Variants in MAGI2 observed in about 807,000 individuals in gnomAD.
MAGI2 encodes membrane associated guanylate kinase, WW and PDZ domain containing 2, also known as membrane-associated guanylate kinase, WW and PDZ domain-containing protein 2.
In MAGI2, 35 loss-of-function variants were observed where a neutral mutation model predicts 133.3. The ratio of observed to expected loss-of-function variants is 0.26; its 90% CI spans 0.20 to 0.35. MAGI2 has a LOEUF of 0.35. Ranked by LOEUF, MAGI2 falls within the 10% of genes least tolerant of loss-of-function variation. The pLI, the probability that MAGI2 is intolerant of heterozygous loss-of-function variation, is 1.00. For missense variants in MAGI2, 1,636 were observed against 1,863.4 expected (o/e 0.88, Z 2.25); for synonymous variants, 729 against 710.6 (o/e 1.03, Z -0.41).
chr7:78,943,321 CA>C (rs1314778049), intron 2 of MAGI2, among the ~76,000 whole-genome samples: 1 of 152,026 alleles, frequency 6.6e-6, no homozygotes, highest in African/African-American at 2.4e-5. Flanking sequence ...GAGGCTTTGG[CA>C]AAAAGCTTTA....
chr7:78,969,218 G>A (rs377542001), intron 2 of MAGI2, among the ~76,000 whole-genome samples: 6 of 150,992 alleles, frequency 4.0e-5, no homozygotes, highest in East Asian at 3.9e-4. Context: ...TAGGGTAGGA[G>A]GGCCAGTCTT....
chr7:78,190,816 T>C (rs1294476544), intron 12 of MAGI2, among the ~76,000 whole-genome samples: 1 of 152,230 alleles, frequency 6.6e-6, no homozygotes, highest in Non-Finnish European at 1.5e-5. Flanking sequence ...CTGTTGTGAC[T>C]GTAAAACAAA....
intron 1 of MAGI2, among the ~76,000 whole-genome samples, chr7:79,451,272 C>T (rs182078885): frequency 6.6e-6 from 1 of 152,276 alleles, no homozygotes; most frequent in East Asian, 1.9e-4. Flanking sequence ...TTTGCAGCCA[C>T]GTTCCATGAC....
chr7:78,089,710 A>T lies in MAGI2; in HGVS notation c.3568-10625T>A, dbSNP rs375110967. Among the ~76,000 whole-genome samples the T allele has an allele frequency of 2.0e-5, 3 of 152,162 alleles. No homozygotes were observed. In the South Asian group the frequency reaches 6.2e-4, roughly 32 times the overall value. On this transcript the variant is annotated intron_variant, in intron 20 of 21. Transcript: ENST00000354212. Reference sequence around the variant, plus strand: ...CTCTGGTCAGTTTCCAAGTCCCGTCAGTTCTACATGTACCCTGTCTCCAGC... The same window carrying T: ...CTCTGGTCAGTTTCCAAGTCCCGTCTGTTCTACATGTACCCTGTCTCCAGC...
intron 9 of MAGI2, among the ~76,000 whole-genome samples, chr7:78,280,637 T>G (rs1795470037): frequency 6.6e-6 from 1 of 152,108 alleles, no homozygotes; most frequent in Non-Finnish European, 1.5e-5. Context: ...GTTAGAAAGA[T>G]TAGACTGAGA....
intron 5 of MAGI2, 57 bp downstream of exon 5, chr7:78,501,520 C>A: frequency 1.3e-5 from 16 of 1,205,604 alleles, no homozygotes; most frequent in Non-Finnish European, 1.7e-5. Flanking sequence ...CTTGCTACAT[C>A]ATTTATATCC....
chr7:78,317,601 A>C (rs745524722), intron 9 of MAGI2, among the ~76,000 whole-genome samples: 3 of 152,252 alleles, frequency 2.0e-5, no homozygotes, highest in Non-Finnish European at 4.4e-5. Context: ...GGCTCTGAAG[A>C]GAGCAGCGGA....
chr7:78,501,777 T>C lies in MAGI2; in HGVS notation c.765A>G (p.Glu255=). Residue 255 remains glutamate, a synonymous_variant, in exon 5 of 22, where the codon GAA becomes GAG. Transcript: ENST00000354212. ...NGVVVTPESS[E]HEDKSAGASG... Reference sequence around the variant, plus strand: ...AGGCACCTGCACTTTTGTCTTCATGTTCACTGGATTCTATAAGAGAACAAG... The same window carrying C: ...AGGCACCTGCACTTTTGTCTTCATGCTCACTGGATTCTATAAGAGAACAAG... The C allele has an allele frequency of 6.2e-7, 1 of 1,613,398 alleles. No homozygotes were observed. Among genetic ancestry groups the C allele is most frequent in the Non-Finnish European group, 8.5e-7 (1 of 1,179,902 alleles).
chr7:78,328,136 T>C (rs1044089938), intron 9 of MAGI2, among the ~76,000 whole-genome samples: 1 of 152,152 alleles, frequency 6.6e-6, no homozygotes, highest in African/African-American at 2.4e-5. Context: ...AAATGTCTCC[T>C]TTTCTTAGAA....
chr7:78,627,032 A>G, intron 3 of MAGI2, 88 bp downstream of exon 3: 1 of 1,373,164 alleles, frequency 7.3e-7, no homozygotes. Flanking sequence ...AAAACAGCCC[A>G]TTAGTAACCT....
chr7:78,278,217 G>T (rs923993335), intron 9 of MAGI2, among the ~76,000 whole-genome samples: 8 of 152,112 alleles, frequency 5.3e-5, no homozygotes, highest in Non-Finnish European at 8.8e-5. Flanking sequence ...AGGTTTTTCA[G>T]TGTCTCTGCC....
At chr7:79,061,213 C>A (rs1211730982) in intron 1 of MAGI2, among the ~76,000 whole-genome samples, 1 of 151,844 alleles carries the variant, frequency 6.6e-6, no homozygotes, top group Non-Finnish European at 1.5e-5. Flanking sequence ...TGATACAGAA[C>A]TGAGAGCAAG....
chr7:79,005,707 T>C (rs968344124), intron 2 of MAGI2, among the ~76,000 whole-genome samples: 4 of 152,224 alleles, frequency 2.6e-5, no homozygotes, highest in African/African-American at 9.6e-5. Context: ...TTCACATTGC[T>C]GCACTGACAA....
At position 79,174,717 on chromosome 7, in the gene MAGI2, TA is replaced by T. The variant is rs968967850; in HGVS notation, c.302-167512del. On this transcript the variant is annotated intron_variant, in intron 1 of 21. Transcript: ENST00000354212. Reference sequence around the variant, plus strand: ...TTTTTTAAAAAAAGAAATAAATTATTAAAAAAACACTCATTCTCTAGGTAGA... The same window carrying T: ...TTTTTTAAAAAAAGAAATAAATTATTAAAAAACACTCATTCTCTAGGTAGA... Among the ~76,000 whole-genome samples the T allele has an allele frequency of 9.9e-5, 15 of 151,344 alleles. 1 individual carries two copies. The South Asian group carries it at 2.9e-3, about 29-fold the overall frequency.
At chr7:78,408,071 C>T (rs1251227755) in intron 6 of MAGI2, among the ~76,000 whole-genome samples, 2 of 152,112 alleles carry the variant, frequency 1.3e-5, no homozygotes, top group South Asian at 2.1e-4. Flanking sequence ...TTTGCAACTC[C>T]CTCCCTTCTA....
At chr7:79,092,610 C>G (rs985826192) in intron 1 of MAGI2, among the ~76,000 whole-genome samples, 1 of 152,136 alleles carries the variant, frequency 6.6e-6, no homozygotes, top group Non-Finnish European at 1.5e-5. Flanking sequence ...TCTAGGAAAT[C>G]TTTCAGAATT....
At chr7:78,908,078 A>G (rs1449442073) in intron 2 of MAGI2, among the ~76,000 whole-genome samples, 2 of 152,092 alleles carry the variant, frequency 1.3e-5, no homozygotes, top group African/African-American at 4.8e-5. Flanking sequence ...GTTAGGGGGG[A>G]AATGTGGTAT....
At chr7:78,766,085 G>A (rs192117381) in intron 2 of MAGI2, among the ~76,000 whole-genome samples, 3 of 152,278 alleles carry the variant, frequency 2.0e-5, no homozygotes, top group Admixed American at 2.0e-4. Context: ...GAGCTTTTGT[G>A]GCCCTTTGAG....
chr7:78,926,486 C>T (rs1385380379), intron 2 of MAGI2, among the ~76,000 whole-genome samples: 3 of 152,034 alleles, frequency 2.0e-5, no homozygotes, highest in Non-Finnish European at 2.9e-5. Flanking sequence ...TGCCTCCAGT[C>T]TCCCAGTTGC....
Sources: gnomAD v4.1 joint callset for allele counts (sites outside exome capture counted in the v4.1 genomes callset) on GRCh38, gnomAD v4.1.1 for gene constraint, MANE v1.5 for transcripts, NCBI Gene and HGNC (gene_info 2026-07-23, HGNC 2026-07-21) for gene names.